CNBD1: variants seen among roughly 807,000 people sequenced by gnomAD.
The protein encoded by CNBD1 is cyclic nucleotide-binding domain-containing protein 1.
In CNBD1, 71 loss-of-function variants were observed where a neutral mutation model predicts 54.4. The ratio of observed to expected loss-of-function variants is 1.30; its 90% confidence interval spans 1.08 to 1.59. CNBD1 has a LOEUF of 1.59. Ranked by LOEUF, CNBD1 falls within the 40% of genes most tolerant of loss-of-function variation. The pLI is 0.00. For missense variants in CNBD1, 659 were observed against 518.0 expected (o/e 1.27, Z -2.64); for synonymous variants, 182 against 170.7 (o/e 1.07, Z -0.51).
At chr8:87,133,736 A>C (rs1812169159) in intron 4 of CNBD1, among the ~76,000 whole-genome samples, 1 of 151,770 alleles carries the variant, frequency 6.6e-6, no homozygotes, top group South Asian at 2.1e-4. Flanking sequence ...AGTGGATTTA[A>C]AATTTTTTTT....
At chr8:87,314,081 T>C (rs1233348187) in intron 8 of CNBD1, among the ~76,000 whole-genome samples, 1 of 151,950 alleles carries the variant, frequency 6.6e-6, no homozygotes, top group Non-Finnish European at 1.5e-5. Context: ...TTTGATTACA[T>C]TTTCAAGAAG....
At chr8:87,110,431 C>G (rs961989182) in intron 4 of CNBD1, among the ~76,000 whole-genome samples, 18 of 152,254 alleles carry the variant, frequency 1.2e-4, no homozygotes, top group African/African-American at 4.3e-4. Context: ...ATGAATGGGT[C>G]AGAGCAATAA....
intron 2 of CNBD1, among the ~76,000 whole-genome samples, chr8:87,408,368 T>C (rs1807684563): frequency 6.6e-6 from 1 of 151,994 alleles, no homozygotes; most frequent in South Asian, 2.1e-4. Context: ...TCTTCATTTC[T>C]GTTGCTTTAT....
At chr8:87,369,354 G>A (rs924160669) in intron 10 of CNBD1, among the ~76,000 whole-genome samples, 1 of 151,882 alleles carries the variant, frequency 6.6e-6, no homozygotes, top group Non-Finnish European at 1.5e-5. Context: ...AAGAGTTCCA[G>A]TGTATATTTA....
intron 6 of CNBD1, among the ~76,000 whole-genome samples, chr8:87,275,835 G>A (rs1161907334): frequency 2.6e-5 from 4 of 151,578 alleles, no homozygotes; most frequent in Non-Finnish European, 5.9e-5. Context: ...CATTGTCTCA[G>A]CCCAAAATCT....
At chr8:87,002,635 T>A (rs1049292874) in intron 4 of CNBD1, among the ~76,000 whole-genome samples, 2 of 152,118 alleles carry the variant, frequency 1.3e-5, no homozygotes, top group African/African-American at 2.4e-5. Flanking sequence ...ATTCAAGGTT[T>A]TAATCAAACA....
chr8:87,334,947 G>A (rs10091975), intron 8 of CNBD1, among the ~76,000 whole-genome samples: 85,898 of 151,464 alleles, frequency 0.57, 25,867 homozygotes, highest in African/African-American at 0.77. Context: ...GATGGTCTCA[G>A]TCTCTTGACC....
intron 4 of CNBD1, among the ~76,000 whole-genome samples, chr8:86,973,647 G>A (rs1037931668): frequency 1.3e-5 from 2 of 152,094 alleles, no homozygotes; most frequent in African/African-American, 4.8e-5. Context: ...GTGAAAGTAG[G>A]GCTTATGTAT....
chr8:87,318,551 T>G (rs1160544671), intron 8 of CNBD1, among the ~76,000 whole-genome samples: 1 of 152,080 alleles, frequency 6.6e-6, no homozygotes, highest in Non-Finnish European at 1.5e-5. Context: ...GCTGGATGAT[T>G]ATTCTCAGTT....
chr8:86,909,662 A>C (rs1291651847), intron 3 of CNBD1, among the ~76,000 whole-genome samples: 1 of 152,212 alleles, frequency 6.6e-6, no homozygotes, highest in African/African-American at 2.4e-5. Context: ...ACTGCAGCTC[A>C]ATCTGTTTGC....
chr8:87,324,677 A>G (rs1306882431), intron 8 of CNBD1, among the ~76,000 whole-genome samples: 1 of 151,514 alleles, frequency 6.6e-6, no homozygotes, highest in East Asian at 1.9e-4. Context: ...TATTGTGTCT[A>G]TTTGATTCTT....
intron 4 of CNBD1, among the ~76,000 whole-genome samples, chr8:86,994,955 G>A (rs1808836064): frequency 1.3e-5 from 2 of 152,142 alleles, no homozygotes; most frequent in Non-Finnish European, 1.5e-5. Context: ...GCCTTTTTGG[G>A]GCTGTGATAA....
At chr8:86,955,797 G>T (rs1563835876) in intron 4 of CNBD1, among the ~76,000 whole-genome samples, 1 of 152,142 alleles carries the variant, frequency 6.6e-6, no homozygotes, top group Non-Finnish European at 1.5e-5. Context: ...TCGCACTGAT[G>T]GTAGTTTCTT....
rs1483156201 is a variant in CNBD1, at chr8:87,367,745, A to T, written c.1303+13959A>T. ...GATCAGGAGAATAAAGTATAGAAAG[A>T]TTAAGTGATATCAATGCTCTCTATC... is the stretch of plus-strand genomic sequence containing the variant. On this transcript the variant is annotated intron_variant, in intron 10 of 10. Coordinates refer to ENST00000518476, the MANE Select transcript of CNBD1 (RefSeq NM_173538.3). Among the ~76,000 whole-genome samples, 3 of 152,286 alleles carry T rather than the reference A, an allele frequency of 2.0e-5. No homozygotes were observed. In the South Asian group the frequency reaches 6.2e-4, roughly 32 times the overall value.
In CNBD1 at chr8:87,163,688, A is replaced by C. The variant is rs1812904143; in HGVS notation, c.432-42305A>C. 6.6e-6 allele frequency among the ~76,000 whole-genome samples: 1 copy of C among 151,758 alleles called. No individual in the cohort carries two copies. Among genetic ancestry groups the C allele is most frequent in the Non-Finnish European group, 1.5e-5 (1 of 67,854 alleles). ...TCCTGCAAATTTATTGAATTTGCTTATTAGTTCTAACAGTTTTTTTGTTGG... is the reference window on the plus strand; with the variant it reads ...TCCTGCAAATTTATTGAATTTGCTTCTTAGTTCTAACAGTTTTTTTGTTGG... On this transcript the variant is annotated intron_variant, in intron 4 of 10. Coordinates refer to ENST00000518476, the MANE Select transcript of CNBD1 (RefSeq NM_173538.3). The surrounding 1 kb of genome is among the most constrained non-coding windows in gnomAD (Gnocchi z 4.5).
At chr8:87,312,662 A>G (rs1809293177) in intron 8 of CNBD1, among the ~76,000 whole-genome samples, 1 of 152,056 alleles carries the variant, frequency 6.6e-6, no homozygotes, top group Non-Finnish European at 1.5e-5. Flanking sequence ...TTTCCATAAT[A>G]TCATATATTG....
intron 10 of CNBD1, among the ~76,000 whole-genome samples, chr8:87,355,217 G>T (rs1488468696): frequency 6.6e-6 from 1 of 152,146 alleles, no homozygotes; most frequent in Non-Finnish European, 1.5e-5. Context: ...ACTGGTGTTA[G>T]AATATATTAG....
At chr8:87,393,518 G>T (rs1379598703) in intron 2 of CNBD1, among the ~76,000 whole-genome samples, 1 of 151,796 alleles carries the variant, frequency 6.6e-6, no homozygotes, top group Non-Finnish European at 1.5e-5. Context: ...TAGGCTTTGG[G>T]AATTGCAAAA....
chr8:86,966,817 C>G (rs191273213), intron 4 of CNBD1, among the ~76,000 whole-genome samples: 1 of 152,264 alleles, frequency 6.6e-6, no homozygotes, highest in Admixed American at 6.5e-5. Context: ...AGCAAAAGAA[C>G]AAAGCTTCCA....
Sources: allele counts gnomAD v4.1 joint callset (sites outside exome capture counted in the v4.1 genomes callset), GRCh38; gene constraint gnomAD v4.1.1; non-coding constraint Gnocchi (gnomAD v3.1); transcripts MANE v1.5; gene names NCBI Gene and HGNC (gene_info 2026-07-23, HGNC 2026-07-21).